The following PPHLN1 variants were observed in gnomAD, a reference collection of about 807,000 sequenced individuals.
The protein encoded by PPHLN1 is periphilin-1.
A neutral mutation model predicts 51.3 loss-of-function variants in PPHLN1; 29 were observed. The observed-to-expected ratio is 0.57, with a 90% CI of 0.42 to 0.77. The LOEUF (loss-of-function observed/expected upper bound fraction) is 0.77, where lower values mean the gene tolerates loss of function less well. Ranked by LOEUF, PPHLN1 falls within the 30% of genes least tolerant of loss-of-function variation. The pLI is 0.00. For missense variants in PPHLN1, 436 were observed against 438.4 expected (o/e 0.99, Z 0.05); for synonymous variants, 147 against 147.8 (o/e 0.99, Z 0.04).
chr12:42,413,526 A>G (rs12829799), intron 9 of PPHLN1, among the ~76,000 whole-genome samples: 12,053 of 136,274 alleles, frequency 0.088, 624 homozygotes, highest in Non-Finnish European at 0.12. Flanking sequence ...ATATATGTAT[A>G]TGTGTGTGTG....
At chr12:42,437,826 A>G (rs928706593) in intron 9 of PPHLN1, among the ~76,000 whole-genome samples, 15 of 152,292 alleles carry the variant, frequency 9.8e-5, no homozygotes, top group Non-Finnish European at 1.8e-4. Flanking sequence ...GAAATGTCCT[A>G]TGTTCCACCT....
intron 4 of PPHLN1, 85 bp downstream of exon 4, chr12:42,355,307 T>C (rs750449177): frequency 8.7e-7 from 1 of 1,155,420 alleles, no homozygotes. Context: ...TCAAGGCACA[T>C]AGATGAAATA....
intron 9 of PPHLN1, among the ~76,000 whole-genome samples, chr12:42,411,115 A>T (rs2079770424): frequency 1.3e-5 from 2 of 151,792 alleles, no homozygotes; most frequent in African/African-American, 4.8e-5. Context: ...CCTCCAGTTG[A>T]AATTAGGTCG....
rs1305451260 is a variant in PPHLN1 at position 42,376,961 on chromosome 12, T to TA, written c.511+1895dup. On this transcript the variant is annotated intron_variant, in intron 5 of 9. Transcript: ENST00000358314. Reference sequence around the variant, plus strand: ...TTCTATATACCCCATCCCTACCACATAAAAAAAACCTTAAGAAGATAAACA... The same window carrying TA: ...TTCTATATACCCCATCCCTACCACATAAAAAAAAACCTTAAGAAGATAAACA... 2.6e-5 allele frequency among the ~76,000 whole-genome samples: 4 copies of TA among 151,894 alleles called. No individual in the cohort carries two copies. In the East Asian group the frequency reaches 7.7e-4, roughly 29 times the overall value.
Position 42,398,879 on chromosome 12 carries a change from C to G in PPHLN1, c.794C>G (p.Thr265Ser). ...GCGGGATCCACAGCACCATTGTTTA[C>G]TGACCAGCCAGAGGAACCTGAGTCA... The part of the protein sequence containing the change: ...YEAGSTAPLF[T>S]DQPEEPESNT... The change falls in exon 9 of 10, where the codon ACT becomes AGT. Residue 265 changes from threonine (T) to serine (S), a missense_variant. Transcript: ENST00000358314. 6.2e-7 allele frequency: 1 copy of G among 1,613,992 alleles called. No individual in the cohort carries two copies. The highest frequency in any genetic ancestry group is 8.5e-7 in the Non-Finnish European group (1 of 1,179,936).
chr12:42,384,949 G>T lies in PPHLN1; in HGVS notation c.521G>T (p.Arg174Leu). 6.2e-7 allele frequency: 1 copy of T among 1,610,624 alleles called. No homozygotes were observed. The highest frequency in any genetic ancestry group is 8.5e-7 in the Non-Finnish European group (1 of 1,176,784). ...GCCCACCTTTCCATAGAGTCCGTGC[G>T]TCCTGGTGCCTCCTACAAACGGCAG... The part of the protein sequence containing the change: ...FHQSQHRKSV[R>L]PGASYKRQNE... Residue 174 changes from arginine to leucine, a missense_variant, in exon 6 of 10, where the codon CGT becomes CTT. Physicochemically the swap from Arg to Leu is moderately radical, Grantham distance 102 (BLOSUM62 -2). Coordinates refer to ENST00000358314, the MANE Select transcript of PPHLN1 (RefSeq NM_201439.2).
chr12:42,379,050 A>G (rs1016219307), intron 5 of PPHLN1, among the ~76,000 whole-genome samples: 2 of 151,864 alleles, frequency 1.3e-5, no homozygotes, highest in Non-Finnish European at 2.9e-5. Flanking sequence ...TTTCACTTGA[A>G]GTTTATTTTT....
intron 9 of PPHLN1, among the ~76,000 whole-genome samples, chr12:42,420,210 A>G (rs778625150): frequency 6.6e-6 from 1 of 152,192 alleles, no homozygotes; most frequent in Non-Finnish European, 1.5e-5. Flanking sequence ...TTGTTTTTAC[A>G]TATAATATGT....
chr12:42,368,842 T>G (rs2075530549), intron 4 of PPHLN1, among the ~76,000 whole-genome samples: 2 of 152,202 alleles, frequency 1.3e-5, no homozygotes, highest in Admixed American at 1.3e-4. Flanking sequence ...CACAAAAATT[T>G]TAAGATATTG....
chr12:42,377,309 T>C (rs1207301189), intron 5 of PPHLN1, among the ~76,000 whole-genome samples: 2 of 147,124 alleles, frequency 1.4e-5, no homozygotes, highest in African/African-American at 5.1e-5. Context: ...TTCTTTTTTT[T>C]TTTTTTTTTT....
At chr12:42,402,040 G>T (rs939990414) in intron 9 of PPHLN1, among the ~76,000 whole-genome samples, 1 of 151,868 alleles carries the variant, frequency 6.6e-6, no homozygotes, top group Admixed American at 6.6e-5. Context: ...TGTATTTTTT[G>T]TAGAGATGGG....
chr12:42,435,213 T>C (rs1448773903), intron 9 of PPHLN1, among the ~76,000 whole-genome samples: 1 of 152,270 alleles, frequency 6.6e-6, no homozygotes, highest in Non-Finnish European at 1.5e-5. Context: ...TTGGTCTGTA[T>C]TTGTGTATGA....
intron 8 of PPHLN1, among the ~76,000 whole-genome samples, chr12:42,395,969 A>G (rs925649643): frequency 6.6e-6 from 1 of 152,172 alleles, no homozygotes; most frequent in African/African-American, 2.4e-5. Context: ...ATATTCAGGC[A>G]TGTTGTGGTT....
At chr12:42,362,054 G>A (rs1002430928) in intron 4 of PPHLN1, among the ~76,000 whole-genome samples, 1 of 152,130 alleles carries the variant, frequency 6.6e-6, no homozygotes, top group African/African-American at 2.4e-5. Flanking sequence ...TATTCCATGT[G>A]TTTGTGTCTG....
At chr12:42,400,693 G>A (rs1317412685) in intron 9 of PPHLN1, among the ~76,000 whole-genome samples, 2 of 151,896 alleles carry the variant, frequency 1.3e-5, no homozygotes, top group Non-Finnish European at 2.9e-5. Flanking sequence ...TAAAAGGAGA[G>A]GTTCTCTTAA....
intron 8 of PPHLN1, among the ~76,000 whole-genome samples, chr12:42,395,196 A>C (rs945688238): frequency 1.1e-4 from 16 of 152,024 alleles, no homozygotes; most frequent in Non-Finnish European, 4.4e-5. Context: ...ATTTGCTCAG[A>C]ATTCGCTAGA....
intron 9 of PPHLN1, among the ~76,000 whole-genome samples, chr12:42,409,780 T>C (rs1174684155): frequency 6.6e-6 from 1 of 152,140 alleles, no homozygotes; most frequent in Non-Finnish European, 1.5e-5. Context: ...TGCTTATTTC[T>C]ATCTTTAAGA....
intron 4 of PPHLN1, among the ~76,000 whole-genome samples, chr12:42,369,893 G>C (rs1014041279): frequency 3.3e-5 from 5 of 152,144 alleles, no homozygotes; most frequent in African/African-American, 9.7e-5. Flanking sequence ...CTTCTTCCTT[G>C]ATGATTACAA....
chr12:42,404,179 C>G (rs905456335), intron 9 of PPHLN1, among the ~76,000 whole-genome samples: 2 of 152,134 alleles, frequency 1.3e-5, no homozygotes, highest in African/African-American at 2.4e-5. Flanking sequence ...TTAAGTAATA[C>G]TTTCTGCCTG....
Sources: gnomAD v4.1 joint callset for allele counts (sites outside exome capture counted in the v4.1 genomes callset) on GRCh38, gnomAD v4.1.1 for gene constraint, MANE v1.5 for transcripts, NCBI Gene and HGNC (gene_info 2026-07-23, HGNC 2026-07-21) for gene names.